Variants in RAP1GAP observed in about 807,000 individuals in gnomAD.
RAP1GAP encodes the protein RAP1 GTPase activating protein, also known as rap1 GTPase-activating protein 1.
RAP1GAP carries 35 observed loss-of-function variants against 87.2 expected under a neutral mutation model. That is an observed-to-expected ratio of 0.40 (90% CI 0.31 to 0.53). The LOEUF is 0.53. RAP1GAP is among the 20% of genes least tolerant of loss of function. RAP1GAP has a pLI of 0.48. For synonymous variants in RAP1GAP, 375 were observed against 363.9 expected (o/e 1.03, Z -0.35); for missense variants, 734 against 898.9 (o/e 0.82, Z 2.35).
rs1333016395 is a variant in RAP1GAP, at chr1:21,599,519, C to G, written c.1751G>C (p.Gly584Ala). 1 of 1,609,574 alleles carries G rather than the reference C, an allele frequency of 6.2e-7. No individual in the cohort carries two copies. The highest frequency in any genetic ancestry group is 2.2e-5 in the East Asian group (1 of 44,888). The change falls in exon 21 of 25, where the codon GGT (glycine) becomes GCT (alanine). Residue 584 changes from glycine (G) to alanine (A), a missense_variant. This residue lies in a region of RAP1GAP where 249 missense variants were observed against 252.7 expected (regional missense o/e 0.99). Coordinates refer to ENST00000374765, the MANE Select transcript of RAP1GAP (RefSeq NM_002885.4). ...CAGGCCTGTGTCCTCTCCGTCCACA[C>G]CCTCCGTCTCCTCCACCACGCTGGC... Reference protein sequence around the residue: ...SFASVVEETEGVDGEDTGLES... With the variant: ...SFASVVEETEAVDGEDTGLES...
rs2149261645 is a variant in RAP1GAP, at chr1:21,609,668, T to C, written c.1000-22A>G. The C allele has an allele frequency of 6.5e-7, 1 of 1,545,988 alleles. No individual in the cohort carries two copies. Among genetic ancestry groups the C allele is most frequent in the Non-Finnish European group, 8.7e-7 (1 of 1,144,542 alleles). ...AGACCTGGAAGGGAGGGCAGCTGTC[T>C]GTTCCTGTGGAGCCTGGGGTCTGCT... is the stretch of plus-strand genomic sequence containing the variant. On this transcript the variant is annotated intron_variant, in intron 14 of 24. Coordinates refer to ENST00000374765, the MANE Select transcript of RAP1GAP (RefSeq NM_002885.4). The surrounding 1 kb of genome is among the most constrained non-coding windows in gnomAD (Gnocchi z 4.4).
Position 21,613,764 on chromosome 1 carries a change from C to A in RAP1GAP, c.396-58G>T, listed in dbSNP as rs2149454965. 1.3e-6 allele frequency: 2 copies of A among 1,495,024 alleles called. No homozygotes were observed. Among genetic ancestry groups the A allele is most frequent in the Non-Finnish European group, 1.9e-6 (2 of 1,074,560 alleles). The allele number at this position is 1,495,024 out of a possible 1,614,324, so 92.6% of individuals were successfully genotyped here. ...GGCAGCAGGACAGGAAAATGGGAAC[C>A]CCACCCCCCACAAAGTAAGGCCAGA... is the stretch of plus-strand genomic sequence containing the variant. On this transcript the variant is annotated intron_variant, in intron 8 of 24. Coordinates refer to ENST00000374765, the MANE Select transcript of RAP1GAP (RefSeq NM_002885.4). This position sits in a 1 kb window ranked among gnomAD's most constrained non-coding sequence, Gnocchi z 4.7.
At chr1:21,638,906 G>A (rs962040330) in intron 2 of RAP1GAP, among the ~76,000 whole-genome samples, 1 of 152,182 alleles carries the variant, frequency 6.6e-6, no homozygotes, top group African/African-American at 2.4e-5. Context: ...CCTGAGCCAG[G>A]CGTCACAGAG....
At chr1:21,620,073 C>T (rs367547016) in intron 3 of RAP1GAP, 23 bp from the exon 4 acceptor site, 47 of 1,613,092 alleles carry the variant, frequency 2.9e-5, no homozygotes, top group African/African-American at 5.3e-5. Context: ...CAGGGGAGAG[C>T]GAGGTCAGCT....
intron 1 of RAP1GAP, among the ~76,000 whole-genome samples, chr1:21,652,109 C>T (rs2096624015): frequency 6.7e-6 from 1 of 148,254 alleles, no homozygotes; most frequent in African/African-American, 2.4e-5. Flanking sequence ...TCCCCCACCC[C>T]CTTCCCGGCC....
intron 2 of RAP1GAP, among the ~76,000 whole-genome samples, chr1:21,627,852 C>G (rs961174598): frequency 1.3e-5 from 2 of 152,118 alleles, no homozygotes; most frequent in Admixed American, 6.6e-5. Context: ...GAGGGGTCTG[C>G]GCTGGGCAAT....
intron 2 of RAP1GAP, among the ~76,000 whole-genome samples, chr1:21,631,176 C>T (rs1317128731): frequency 6.6e-6 from 1 of 152,200 alleles, no homozygotes; most frequent in East Asian, 1.9e-4. Context: ...CCCTTCCCCA[C>T]GTCTCCAAAA....
chr1:21,629,425 T>C (rs2093251764), intron 2 of RAP1GAP, among the ~76,000 whole-genome samples: 1 of 152,122 alleles, frequency 6.6e-6, no homozygotes. Context: ...TCAGGATTGC[T>C]CATGTGGGTG....
At chr1:21,614,186 C>T (rs1267261340) in intron 7 of RAP1GAP, 97 bp from the exon 8 acceptor site, 1 of 765,752 alleles carries the variant, frequency 1.3e-6, no homozygotes, top group Non-Finnish European at 2.2e-6. Flanking sequence ...GATGCAGGTC[C>T]TTCGCCGATA....
intron 21 of RAP1GAP, among the ~76,000 whole-genome samples, 189 bp from the exon 22 acceptor site, chr1:21,598,691 C>T (rs1274837275): frequency 6.6e-6 from 1 of 152,252 alleles, no homozygotes; most frequent in Non-Finnish European, 1.5e-5. Flanking sequence ...GGCACAGACC[C>T]AGGCACACGC....
intron 2 of RAP1GAP, among the ~76,000 whole-genome samples, chr1:21,632,898 T>C (rs754305307): frequency 1.7e-4 from 26 of 152,110 alleles, no homozygotes; most frequent in Non-Finnish European, 3.5e-4. Flanking sequence ...AGACCCCATC[T>C]ATACAATGGA....
At chr1:21,626,457 G>T (rs1293003994) in intron 2 of RAP1GAP, 60 bp from the exon 3 acceptor site, 2 of 1,370,846 alleles carry the variant, frequency 1.5e-6, no homozygotes, top group African/African-American at 1.4e-5. Context: ...TGGGAACTCT[G>T]GGAGAGTCAC....
intron 19 of RAP1GAP, 102 bp from the exon 20 acceptor site, chr1:21,601,899 C>CA: frequency 1.3e-6 from 1 of 759,678 alleles, no homozygotes; most frequent in South Asian, 1.8e-5. Context: ...CCTCCTGCCT[C>CA]ATACCCACGC....
At chr1:21,611,979 G>C in intron 11 of RAP1GAP, 47 bp downstream of exon 11, 1 of 1,492,496 alleles carries the variant, frequency 6.7e-7, no homozygotes, top group Non-Finnish European at 9.2e-7. Flanking sequence ...TGAGGCTCCA[G>C]ATATGGGGCC....
rs2077098398 is a variant in RAP1GAP at position 21,609,807 on chromosome 1, TC to T, written c.1000-162del. Among the ~76,000 whole-genome samples the T allele has an allele frequency of 6.6e-6, 1 of 152,146 alleles. No homozygotes were observed. The highest frequency in any genetic ancestry group is 1.5e-5 in the Non-Finnish European group (1 of 68,024). ...TTCTTCCAGAGATTTCTGCCCTCTA[TC>T]TTTTGCCCTGAATTTTAGTGGTGGA... On this transcript the variant is annotated intron_variant, in intron 14 of 24. Transcript: ENST00000374765. This position sits in a 1 kb window ranked among gnomAD's most constrained non-coding sequence, Gnocchi z 4.4.
In RAP1GAP at chr1:21,634,782, G is replaced by A; in HGVS notation, c.-112-8385C>T. ...TTTACCTGCTGTCTATCCAGCATCT[G>A]TCTCCCTTGCTCAGGTGGCCTGAGC... On this transcript the variant is annotated intron_variant, in intron 2 of 24. Coordinates refer to ENST00000374765, the MANE Select transcript of RAP1GAP (RefSeq NM_002885.4). This position sits in a 1 kb window ranked among gnomAD's most constrained non-coding sequence, Gnocchi z 4.1. 1 of 473,398 alleles carries A rather than the reference G, an allele frequency of 2.1e-6. No individual in the cohort carries two copies. Among genetic ancestry groups the A allele is most frequent in the Non-Finnish European group, 4.3e-6 (1 of 234,990 alleles). The allele number at this position is 473,398 out of a possible 1,614,324, so 29.3% of individuals were successfully genotyped here. A position where few individuals can be genotyped will look rare whatever the true frequency, so the allele number is the denominator to read the frequency against.
At chr1:21,620,420 G>C (rs1354511635) in intron 3 of RAP1GAP, among the ~76,000 whole-genome samples, 1 of 152,200 alleles carries the variant, frequency 6.6e-6, no homozygotes, top group African/African-American at 2.4e-5. Flanking sequence ...CACCTCTCCC[G>C]GAAGGGGGCA....
Position 21,606,170 on chromosome 1 carries a change from T to C in RAP1GAP, c.1324A>G (p.Met442Val). ...KRVIRSRSQS[M>V]DAMGLSNKKP... ...TTGTTGCTCAGCCCCATGGCATCCA[T>C]GGACTGGCTGCGGCTCCGGATGACC... The change falls in exon 18 of 25, where the codon ATG (methionine) becomes GTG (valine). Residue 442 changes from methionine to valine, a missense_variant. Transcript: ENST00000374765. 1.9e-6 allele frequency: 3 copies of C among 1,586,050 alleles called. No individual in the cohort carries two copies. Among genetic ancestry groups the C allele is most frequent in the Non-Finnish European group, 2.6e-6 (3 of 1,166,674 alleles).
intron 20 of RAP1GAP, among the ~76,000 whole-genome samples, chr1:21,600,087 C>T (rs140334441): frequency 1.3e-3 from 198 of 152,314 alleles, no homozygotes; most frequent in African/African-American, 4.5e-3. Context: ...TCACTCAGCA[C>T]AGGTGGGAGG....
Sources: allele counts gnomAD v4.1 joint callset (sites outside exome capture counted in the v4.1 genomes callset), GRCh38; gene constraint gnomAD v4.1.1; regional missense constraint gnomAD v4.1.1; non-coding constraint Gnocchi (gnomAD v3.1); transcripts MANE v1.5; gene names NCBI Gene and HGNC (gene_info 2026-07-23, HGNC 2026-07-21).